The following KIF4B variants were observed in gnomAD, a reference collection of about 807,000 sequenced individuals.
KIF4B encodes kinesin family member 4B.
A neutral mutation model predicts 69.0 loss-of-function variants in KIF4B; 60 were observed. The observed-to-expected ratio is 0.87, with a 90% confidence interval of 0.71 to 1.08. The LOEUF is 1.08. Among genes scored for constraint, KIF4B ranks in the 50% least tolerant of loss-of-function variants. The pLI is 0.00. For missense variants in KIF4B, 1,357 were observed against 1,451.9 expected (o/e 0.93, Z 1.06); for synonymous variants, 489 against 533.0 (o/e 0.92, Z 1.14).
At position 155,016,659 on chromosome 5, in the gene KIF4B, C is replaced by T. The variant is rs772781156; in HGVS notation, c.2800C>T (p.Leu934Phe). ...ACAGCACCAAGAGAAGGTGCTATAC[C>T]TTGTCAGCCAGCTGCAGGAAAGCCA... ...EQQHQEKVLY[L>F]VSQLQESQMA... The change falls in exon 1 of 1, where the codon CTT (leucine) becomes TTT (phenylalanine). Residue 934 changes from leucine (L) to phenylalanine (F), a missense_variant. Coordinates refer to ENST00000435029, the MANE Select transcript of KIF4B (RefSeq NM_001099293.3). 3.1e-6 allele frequency: 5 copies of T among 1,614,188 alleles called. No homozygotes were observed. Among genetic ancestry groups the T allele is most frequent in the Non-Finnish European group, 4.2e-6 (5 of 1,180,036 alleles).
Position 155,017,863 on chromosome 5 carries a change from T to C in KIF4B, c.*299T>C, listed in dbSNP as rs1188041215. Reference sequence around the variant, plus strand: ...TCAGTATGATCAAGTTCCTTCTTATTTGTGAGCAGTTCAGGCTATCTCCTG... The same window carrying C: ...TCAGTATGATCAAGTTCCTTCTTATCTGTGAGCAGTTCAGGCTATCTCCTG... On this transcript the variant is annotated 3_prime_UTR_variant, in exon 1 of 1. Coordinates refer to ENST00000435029, the MANE Select transcript of KIF4B (RefSeq NM_001099293.3). 5.2e-6 allele frequency: 2 copies of C among 381,544 alleles called. No homozygotes were observed. Among genetic ancestry groups the C allele is most frequent in the Non-Finnish European group, 9.8e-6 (2 of 205,102 alleles). 23.6% of individuals were successfully genotyped at this position (381,544 alleles called of 1,614,324 possible).
At position 155,014,450 on chromosome 5, in the gene KIF4B, T is replaced by C. The variant is rs1297253356; in HGVS notation, c.591T>C (p.Ser197=). 6.2e-7 allele frequency: 1 copy of C among 1,614,146 alleles called. No individual in the cohort carries two copies. Among genetic ancestry groups the C allele is most frequent in the South Asian group, 1.1e-5 (1 of 91,078 alleles). ...TVSCLEQGNN[S]RTVASTAMNS... is the part of the protein sequence containing the mutation. ...CCTGTTTGGAGCAGGGCAACAACTC[T>C]AGGACTGTGGCCTCCACAGCTATGA... The change falls in exon 1 of 1, where the codon TCT becomes TCC. Residue 197 remains serine, a synonymous_variant. Transcript: ENST00000435029.
Position 155,017,404 on chromosome 5 carries a change from A to C in KIF4B, c.3545A>C (p.Lys1182Thr). The C allele has an allele frequency of 6.2e-7, 1 of 1,614,196 alleles. No individual in the cohort carries two copies. The highest frequency in any genetic ancestry group is 8.5e-7 in the Non-Finnish European group (1 of 1,180,038). ...GACATGGAGCAGGTGCTGTCAAAGA[A>C]GACTGCTCCAGCTCCCTCCCCTTTT... is the stretch of plus-strand genomic sequence containing the variant. ...MCDMEQVLSK[K>T]TAPAPSPFDL... Residue 1182 changes from lysine (K) to threonine (T), a missense_variant, in exon 1 of 1, where the codon AAG (lysine) becomes ACG (threonine). Lys to Thr is a moderately conservative substitution (Grantham distance 78, BLOSUM62 -1). Transcript: ENST00000435029.
Position 155,016,930 on chromosome 5 carries a change from A to G in KIF4B, c.3071A>G (p.Lys1024Arg). The change falls in exon 1 of 1, where the codon AAG becomes AGG. Residue 1024 changes from lysine to arginine, a missense_variant. Coordinates refer to ENST00000435029, the MANE Select transcript of KIF4B (RefSeq NM_001099293.3). ...TCTTCTTTTGAATATATCCCACCTA[A>G]GCCAAAACCTTCTCGTGTTAAAGAA... is the stretch of plus-strand genomic sequence containing the variant. ...PDSSFEYIPP[K>R]PKPSRVKEKF... 2 of 1,614,208 alleles carry G rather than the reference A, an allele frequency of 1.2e-6. No individual in the cohort carries two copies. Among genetic ancestry groups the G allele is most frequent in the South Asian group, 1.1e-5 (1 of 91,080 alleles).
chr5:155,015,334 TAGA>T lies in KIF4B; in HGVS notation c.1484_1486del (p.Glu495del), dbSNP rs1328729301. ...ACGGCTGCAGCCATTGATACTGCGG[TAGA>T]AGAAGAAGCTCAAGTGGAAACCAGT... On this transcript the variant is annotated inframe_deletion, in exon 1 of 1. Transcript: ENST00000435029. 2 of 1,614,060 alleles carry T rather than the reference TAGA, an allele frequency of 1.2e-6. No homozygotes were observed. The highest frequency in any genetic ancestry group is 2.2e-5 in the East Asian group (1 of 44,890).
chr5:155,015,670 A>G lies in KIF4B; in HGVS notation c.1811A>G (p.Glu604Gly), dbSNP rs763646483. 6.2e-7 allele frequency: 1 copy of G among 1,614,098 alleles called. No individual in the cohort carries two copies. Among genetic ancestry groups the G allele is most frequent in the Non-Finnish European group, 8.5e-7 (1 of 1,180,050 alleles). ...LSEHRHKLLQELEGQIADLKK... is the reference protein window; with the variant it reads ...LSEHRHKLLQGLEGQIADLKK... ...GAGCACCGCCACAAACTTCTCCAGG[A>G]GCTGGAGGGTCAAATAGCTGATCTG... The change falls in exon 1 of 1, where the codon GAG (glutamate) becomes GGG (glycine). Residue 604 changes from glutamate to glycine, a missense_variant. Physicochemically the swap from Glu to Gly is moderately conservative, Grantham distance 98. Coordinates refer to ENST00000435029, the MANE Select transcript of KIF4B (RefSeq NM_001099293.3).
chr5:155,016,420 G>T lies in KIF4B; in HGVS notation c.2561G>T (p.Trp854Leu). The T allele has an allele frequency of 6.2e-7, 1 of 1,614,188 alleles. No individual in the cohort carries two copies. Reference protein sequence around the residue: ...AESEDRPKQCWENIATILEAK... With the variant: ...AESEDRPKQCLENIATILEAK... ...AGTGAAGATAGGCCAAAACAATGCTGGGAGAATATTGCCACCATTCTGGAA... is the reference window on the plus strand; with the variant it reads ...AGTGAAGATAGGCCAAAACAATGCTTGGAGAATATTGCCACCATTCTGGAA... Residue 854 changes from tryptophan (W) to leucine (L), a missense_variant, in exon 1 of 1, where the codon TGG becomes TTG. Trp to Leu is a moderately conservative substitution (Grantham distance 61). Coordinates refer to ENST00000435029, the MANE Select transcript of KIF4B (RefSeq NM_001099293.3).
Position 155,014,776 on chromosome 5 carries a change from A to G in KIF4B, c.917A>G (p.His306Arg), listed in dbSNP as rs756169700. 1.9e-6 allele frequency: 3 copies of G among 1,614,204 alleles called. No homozygotes were observed. The highest frequency in any genetic ancestry group is 2.2e-5 in the East Asian group (1 of 44,884). The change falls in exon 1 of 1, where the codon CAC (histidine) becomes CGC (arginine). Residue 306 changes from histidine to arginine, a missense_variant. His to Arg is a conservative substitution (Grantham distance 29). Coordinates refer to ENST00000435029, the MANE Select transcript of KIF4B (RefSeq NM_001099293.3). Reference sequence around the variant, plus strand: ...CAAGATTCTCTAGGAGGTAACAGCCACACTCTTATGATAGCCTGTGTGAGT... The same window carrying G: ...CAAGATTCTCTAGGAGGTAACAGCCGCACTCTTATGATAGCCTGTGTGAGT... Reference protein sequence around the residue: ...LLQDSLGGNSHTLMIACVSPA... With the variant: ...LLQDSLGGNSRTLMIACVSPA...
rs1346272272 is a variant in KIF4B, at chr5:155,016,926, C to T, written c.3067C>T (p.Pro1023Ser). 1 of 1,614,202 alleles carries T rather than the reference C, an allele frequency of 6.2e-7. No homozygotes were observed. Among genetic ancestry groups the T allele is most frequent in the Admixed American group, 1.7e-5 (1 of 60,030 alleles). Reference sequence around the variant, plus strand: ...AGACTCTTCTTTTGAATATATCCCACCTAAGCCAAAACCTTCTCGTGTTAA... The same window carrying T: ...AGACTCTTCTTTTGAATATATCCCATCTAAGCCAAAACCTTCTCGTGTTAA... ...SPDSSFEYIPPKPKPSRVKEK... is the reference protein window; with the variant it reads ...SPDSSFEYIPSKPKPSRVKEK... Residue 1023 changes from proline to serine, a missense_variant, in exon 1 of 1, where the codon CCT becomes TCT. Coordinates refer to ENST00000435029, the MANE Select transcript of KIF4B (RefSeq NM_001099293.3).
chr5:155,015,588 G>GA lies in KIF4B; in HGVS notation c.1731dup (p.Leu578IlefsTer4). 1 of 1,614,198 alleles carries GA rather than the reference G, an allele frequency of 6.2e-7. No homozygotes were observed. Among genetic ancestry groups the GA allele is most frequent in the Non-Finnish European group, 8.5e-7 (1 of 1,180,034 alleles). ...CATCAATCTGCAAAAGGAAAAGGAA[G>GA]AATTGGTTCGTGAACTTCAGACAGC... On this transcript the variant is annotated frameshift_variant, in exon 1 of 1. Coordinates refer to ENST00000435029, the MANE Select transcript of KIF4B (RefSeq NM_001099293.3). LOFTEE classifies it high-confidence loss of function.
In KIF4B at chr5:155,017,305, A is replaced by G; in HGVS notation, c.3446A>G (p.Glu1149Gly). 6.2e-7 allele frequency: 1 copy of G among 1,614,158 alleles called. No homozygotes were observed. The highest frequency in any genetic ancestry group is 8.5e-7 in the Non-Finnish European group (1 of 1,180,014). The change falls in exon 1 of 1, where the codon GAG becomes GGG. Residue 1149 changes from glutamate to glycine, a missense_variant. By Grantham distance (98) the Glu-to-Gly change is moderately conservative (BLOSUM62 -2). Transcript: ENST00000435029. ...TCCTTCAAACTGGAGGATCCTACCG[A>G]GGTGACCCCAGGATTGAGCTTCTTT... Reference protein sequence around the residue: ...EGSFKLEDPTEVTPGLSFFNP... With the variant: ...EGSFKLEDPTGVTPGLSFFNP...
chr5:155,015,880 A>C lies in KIF4B; in HGVS notation c.2021A>C (p.Gln674Pro), dbSNP rs769141826. The C allele has an allele frequency of 2.5e-6, 4 of 1,614,130 alleles. No homozygotes were observed. The Admixed American group carries it at 6.7e-5, about 27-fold the overall frequency. The change falls in exon 1 of 1, where the codon CAG (glutamine) becomes CCG (proline). Residue 674 changes from glutamine (Q) to proline (P), a missense_variant. Gln to Pro is a moderately conservative substitution (Grantham distance 76). Coordinates refer to ENST00000435029, the MANE Select transcript of KIF4B (RefSeq NM_001099293.3). The stretch of plus-strand genomic sequence containing the variant: ...CAGAAAAAAGACAAAGAAGTAATAC[A>C]GTTGAAAGAACGAGACCGTAAGAGG... ...WKQKKDKEVIQLKERDRKRQY... is the reference protein window; with the variant it reads ...WKQKKDKEVIPLKERDRKRQY...
Position 155,014,083 on chromosome 5 carries a change from G to T in KIF4B, c.224G>T (p.Gly75Val), listed in dbSNP as rs756941906. The T allele has an allele frequency of 3.1e-6, 5 of 1,614,084 alleles. No homozygotes were observed. In the Admixed American group the frequency reaches 5.0e-5, roughly 16 times the overall value. ...FNKAVAPLIK[G>V]IFKGYNATVL... is the part of the protein sequence containing the mutation. ...AAAGCAGTAGCGCCGCTCATAAAAG[G>T]CATATTTAAAGGATATAATGCAACG... Residue 75 changes from glycine (G) to valine (V), a missense_variant, in exon 1 of 1, where the codon GGC (glycine) becomes GTC (valine). Physicochemically the swap from Gly to Val is moderately radical, Grantham distance 109. Transcript: ENST00000435029.
Position 155,016,989 on chromosome 5 carries a change from C to T in KIF4B, c.3130C>T (p.Leu1044=), listed in dbSNP as rs779786077. 22 of 1,614,068 alleles carry T rather than the reference C, an allele frequency of 1.4e-5. No individual in the cohort carries two copies. In the Admixed American group the frequency reaches 3.2e-4, roughly 23 times the overall value. Residue 1044 remains leucine, a synonymous_variant, in exon 1 of 1, where the codon CTA becomes TTA. Transcript: ENST00000435029. ...GGAGCAAAGCATGGACATCGAGGATCTAAAATATTGTTCAGAGCATTCTGT... is the reference window on the plus strand; with the variant it reads ...GGAGCAAAGCATGGACATCGAGGATTTAAAATATTGTTCAGAGCATTCTGT... ...FLEQSMDIED[L]KYCSEHSVNE... is the part of the protein sequence containing the mutation.
Position 155,015,908 on chromosome 5 carries a change from A to T in KIF4B, c.2049A>T (p.Gln683His). 6.2e-7 allele frequency: 1 copy of T among 1,614,234 alleles called. No homozygotes were observed. Among genetic ancestry groups the T allele is most frequent in the Non-Finnish European group, 8.5e-7 (1 of 1,180,042 alleles). The change falls in exon 1 of 1, where the codon CAA becomes CAT. Residue 683 changes from glutamine (Q) to histidine (H), a missense_variant. By Grantham distance (24) the Gln-to-His change is conservative. Coordinates refer to ENST00000435029, the MANE Select transcript of KIF4B (RefSeq NM_001099293.3). ...IQLKERDRKR[Q>H]YELLKLERNF... ...TGAAAGAACGAGACCGTAAGAGGCA[A>T]TATGAGCTGCTCAAACTTGAAAGAA... is the stretch of plus-strand genomic sequence containing the variant.
rs756593975 is a variant in KIF4B at position 155,015,377 on chromosome 5, G to A, written c.1518G>A (p.Arg506=). Residue 506 remains arginine (R), a synonymous_variant, in exon 1 of 1, where the codon AGG becomes AGA. Transcript: ENST00000435029. The part of the protein sequence containing the change: ...AQVETSPETS[R]SSDAFTTQHA... ...TGGAAACCAGTCCAGAGACAAGCAGGTCTTCTGACGCTTTTACCACTCAGC... is the reference window on the plus strand; with the variant it reads ...TGGAAACCAGTCCAGAGACAAGCAGATCTTCTGACGCTTTTACCACTCAGC... 2 of 1,614,176 alleles carry A rather than the reference G, an allele frequency of 1.2e-6. No individual in the cohort carries two copies. Among genetic ancestry groups the A allele is most frequent in the South Asian group, 1.1e-5 (1 of 91,082 alleles).
rs769740440 is a variant in KIF4B, at chr5:155,015,543, A to T, written c.1684A>T (p.Lys562Ter). 5.0e-6 allele frequency: 8 copies of T among 1,614,098 alleles called. No homozygotes were observed. The highest frequency in any genetic ancestry group is 1.7e-5 in the Admixed American group (1 of 59,998). ...PIQFQYQDNI[K>*]NLELEVINLQ... is the part of the protein sequence containing the mutation. ...TCAGTTTCAATACCAGGATAACATAAAAAATCTAGAATTAGAAGTCATCAA... is the reference window on the plus strand; with the variant it reads ...TCAGTTTCAATACCAGGATAACATATAAAATCTAGAATTAGAAGTCATCAA... Residue 562 changes from lysine (K) to a stop codon, truncating the protein, a stop_gained, in exon 1 of 1, where the codon AAA (lysine) becomes TAA (stop). Transcript: ENST00000435029. LOFTEE classifies it high-confidence loss of function.
In KIF4B at chr5:155,014,933, A is replaced by G; in HGVS notation, c.1074A>G (p.Val358=). The G allele has an allele frequency of 1.2e-6, 2 of 1,614,236 alleles. No homozygotes were observed. The highest frequency in any genetic ancestry group is 1.7e-6 in the Non-Finnish European group (2 of 1,180,022). ...AACTTAATCATCTAAAGCAACAGGT[A>G]CAACAGCTACAAGTCTTGTTGCTAC... ...TAELNHLKQQ[V]QQLQVLLLQA... Residue 358 remains valine (V), a synonymous_variant, in exon 1 of 1, where the codon GTA becomes GTG. Transcript: ENST00000435029.
Position 155,014,175 on chromosome 5 carries a change from C to G in KIF4B, c.316C>G (p.Gln106Glu). 6.2e-7 allele frequency: 1 copy of G among 1,614,242 alleles called. No homozygotes were observed. ...AATGGGAGGTGCATACACTGCGGAGCAGGAGAATGAACCAACAGTTGGCAT... is the reference window on the plus strand; with the variant it reads ...AATGGGAGGTGCATACACTGCGGAGGAGGAGAATGAACCAACAGTTGGCAT... ...YSMGGAYTAE[Q>E]ENEPTVGIIP... is the part of the protein sequence containing the mutation. The change falls in exon 1 of 1, where the codon CAG becomes GAG. Residue 106 changes from glutamine (Q) to glutamate (E), a missense_variant. Physicochemically the swap from Gln to Glu is conservative, Grantham distance 29 (BLOSUM62 2). Transcript: ENST00000435029.
Sources: gnomAD v4.1 joint callset for allele counts on GRCh38, gnomAD v4.1.1 for gene constraint, MANE v1.5 for transcripts, NCBI Gene and HGNC (gene_info 2026-07-23, HGNC 2026-07-21) for gene names.